MSH4: variants seen among roughly 807,000 people sequenced by gnomAD.
MSH4 encodes mutS protein homolog 4.
Under a neutral mutation model 113.7 loss-of-function variants are expected in MSH4, and 106 were observed. The ratio of observed to expected loss-of-function variants is 0.93; its 90% CI spans 0.80 to 1.10. MSH4 has a LOEUF of 1.10. Ranked by LOEUF, MSH4 falls within the 50% of genes least tolerant of loss-of-function variation. MSH4 has a pLI of 0.00. For synonymous variants in MSH4, 368 were observed against 380.2 expected (o/e 0.97, Z 0.37); for missense variants, 1,061 against 1,093.7 (o/e 0.97, Z 0.42).
At chr1:75,888,027 G>A (rs1217793555) in intron 15 of MSH4, among the ~76,000 whole-genome samples, 1 of 150,282 alleles carries the variant, frequency 6.7e-6, no homozygotes, top group Non-Finnish European at 1.5e-5. Context: ...AAATTAGGAA[G>A]AGTGGATATA....
At chr1:75,840,003 A>T (rs1650917903) in intron 7 of MSH4, among the ~76,000 whole-genome samples, 1 of 148,534 alleles carries the variant, frequency 6.7e-6, no homozygotes, top group Admixed American at 6.7e-5. Flanking sequence ...GGCAATCATT[A>T]AAAAGTCAGG....
intron 19 of MSH4, among the ~76,000 whole-genome samples, chr1:75,909,256 G>A (rs1189696315): frequency 6.6e-6 from 1 of 152,114 alleles, no homozygotes; most frequent in Non-Finnish European, 1.5e-5. Context: ...GCAGATTGGG[G>A]CACGGACATT....
Position 75,899,669 on chromosome 1 carries a change from C to A in MSH4, c.2582C>A (p.Ala861Asp), listed in dbSNP as rs762445703. 1.3e-6 allele frequency: 2 copies of A among 1,507,350 alleles called. No individual in the cohort carries two copies. The highest frequency in any genetic ancestry group is 1.5e-5 in the African/African-American group (1 of 68,960). 93.4% of individuals were successfully genotyped at this position (1,507,350 alleles called of 1,614,324 possible). Residue 861 changes from alanine to aspartate, a missense_variant, in exon 19 of 20, where the codon GCC becomes GAC. Coordinates refer to ENST00000263187, the MANE Select transcript of MSH4 (RefSeq NM_002440.4). ...CTTCCACCATCAATTGTCTTGGATGCCAAGGAAATCACAACTCAAATTACG... is the reference window on the plus strand; with the variant it reads ...CTTCCACCATCAATTGTCTTGGATGACAAGGAAATCACAACTCAAATTACG... ...SSLPPSIVLDAKEITTQITRQ... is the reference protein window; with the variant it reads ...SSLPPSIVLDDKEITTQITRQ...
intron 19 of MSH4, among the ~76,000 whole-genome samples, chr1:75,904,182 T>C (rs1008137999): frequency 3.9e-5 from 6 of 152,192 alleles, no homozygotes; most frequent in Admixed American, 1.3e-4. Context: ...GATTTGCATA[T>C]GTTTTATCAT....
chr1:75,842,371 G>C (rs1260813824), intron 7 of MSH4, among the ~76,000 whole-genome samples: 1 of 152,104 alleles, frequency 6.6e-6, no homozygotes, highest in African/African-American at 2.4e-5. Context: ...GATCTGGAAA[G>C]AAAGGAAGGA....
chr1:75,885,996 A>ATC (rs1652093718), intron 15 of MSH4, among the ~76,000 whole-genome samples: 1 of 97,246 alleles, frequency 1.0e-5, no homozygotes, highest in Non-Finnish European at 1.9e-5. Flanking sequence ...TGTATTATAT[A>ATC]GCATGTATAG....
At chr1:75,808,807 T>C (rs1006107506) in intron 3 of MSH4, among the ~76,000 whole-genome samples, 1 of 152,224 alleles carries the variant, frequency 6.6e-6, no homozygotes, top group Non-Finnish European at 1.5e-5. Flanking sequence ...CTTCTTATTT[T>C]GCCTTCATTT....
At chr1:75,852,617 T>C (rs368951686) in intron 8 of MSH4, among the ~76,000 whole-genome samples, 4 of 152,226 alleles carry the variant, frequency 2.6e-5, no homozygotes, top group African/African-American at 9.7e-5. Context: ...CCATGATGAC[T>C]GACAATGTCG....
chr1:75,891,151 T>C (rs1331704232), intron 17 of MSH4, among the ~76,000 whole-genome samples: 2 of 152,144 alleles, frequency 1.3e-5, no homozygotes, highest in Non-Finnish European at 2.9e-5. Flanking sequence ...GACTATGATG[T>C]TACAACAGGA....
chr1:75,868,470 G>A (rs1293059396), intron 9 of MSH4, among the ~76,000 whole-genome samples: 1 of 152,066 alleles, frequency 6.6e-6, no homozygotes, highest in Non-Finnish European at 1.5e-5. Context: ...ATACTACACT[G>A]TGTAAAACTT....
chr1:75,885,282 A>G (rs1197093347), intron 15 of MSH4, among the ~76,000 whole-genome samples: 1 of 124,208 alleles, frequency 8.1e-6, no homozygotes, highest in African/African-American at 3.1e-5. Context: ...ATAATACCGT[A>G]TATATACTAC....
At chr1:75,841,166 TC>T (rs1650951184) in intron 7 of MSH4, among the ~76,000 whole-genome samples, 3 of 116,572 alleles carry the variant, frequency 2.6e-5, no homozygotes, top group African/African-American at 9.9e-5. Context: ...CTTCCCTCCC[TC>T]CCTCCCTCCC....
chr1:75,837,694 T>G (rs1272741480), intron 7 of MSH4, among the ~76,000 whole-genome samples: 2 of 152,140 alleles, frequency 1.3e-5, no homozygotes, highest in African/African-American at 4.8e-5. Context: ...GGCCGCCATC[T>G]TCTTTTCTAA....
intron 9 of MSH4, among the ~76,000 whole-genome samples, chr1:75,870,658 G>C (rs1368966929): frequency 6.6e-6 from 1 of 152,080 alleles, no homozygotes; most frequent in Non-Finnish European, 1.5e-5. Flanking sequence ...ACATGACTTT[G>C]CTCCTTATTC....
chr1:75,819,562 C>T (rs899726106), intron 6 of MSH4, among the ~76,000 whole-genome samples: 26 of 152,176 alleles, frequency 1.7e-4, no homozygotes, highest in Non-Finnish European at 3.1e-4. Flanking sequence ...GGAATCATGT[C>T]CGTCTTATAT....
chr1:75,803,552 C>T (rs1392302922), intron 1 of MSH4, among the ~76,000 whole-genome samples, 179 bp from the exon 2 acceptor site: 2 of 151,456 alleles, frequency 1.3e-5, no homozygotes, highest in South Asian at 2.1e-4. Flanking sequence ...GGGAGGTGGA[C>T]GTTGCAGTGA....
rs1329268819 is a variant in MSH4 at position 75,816,250 on chromosome 1, TGG to T, written c.816-122_816-121del. On this transcript the variant is annotated intron_variant, in intron 5 of 19. Coordinates refer to ENST00000263187, the MANE Select transcript of MSH4 (RefSeq NM_002440.4). ...CTAGTTTTCAAAAATATGAAATACC[TGG>T]TGTACCTTTTCCTTTTGAGTTTAAG... The T allele has an allele frequency of 5.8e-6, 3 of 513,566 alleles. No homozygotes were observed. The East Asian group carries it at 1.0e-4, about 18-fold the overall frequency. 31.8% of individuals were successfully genotyped at this position (513,566 alleles called of 1,614,324 possible). A position where few individuals can be genotyped will look rare whatever the true frequency, so the allele number is the denominator to read the frequency against.
At chr1:75,842,903 A>T (rs1650993477) in intron 7 of MSH4, among the ~76,000 whole-genome samples, 1 of 152,104 alleles carries the variant, frequency 6.6e-6, no homozygotes, top group Non-Finnish European at 1.5e-5. Context: ...GTCCACAGTT[A>T]TCCGGAGGCC....
chr1:75,898,466 T>A (rs1262920349), intron 18 of MSH4, among the ~76,000 whole-genome samples: 5 of 151,876 alleles, frequency 3.3e-5, no homozygotes, highest in African/African-American at 1.2e-4. Context: ...TCTGGGTACT[T>A]GAAAATTAAA....
Sources: gnomAD v4.1 joint callset for allele counts (sites outside exome capture counted in the v4.1 genomes callset) on GRCh38, gnomAD v4.1.1 for gene constraint, MANE v1.5 for transcripts, NCBI Gene and HGNC (gene_info 2026-07-23, HGNC 2026-07-21) for gene names.